IRAG2: variants seen among roughly 807,000 people sequenced by gnomAD.
IRAG2 encodes the protein lymphoid restricted membrane protein.
IRAG2 carries 45 observed loss-of-function variants against 69.9 expected under a neutral mutation model. That is an observed-to-expected ratio of 0.64 (90% CI 0.51 to 0.83). The LOEUF is 0.83. IRAG2 is among the 40% of genes least tolerant of loss of function. IRAG2 has a pLI of 0.00. For synonymous variants in IRAG2, 193 were observed against 202.4 expected (o/e 0.95, Z 0.40); for missense variants, 520 against 587.0 (o/e 0.89, Z 1.18).
chr12:25,013,866 CTTTTTT>C (rs71063386), intron 3 of IRAG2, among the ~76,000 whole-genome samples: 21 of 79,520 alleles, frequency 2.6e-4, no homozygotes, highest in East Asian at 9.3e-4. Context: ...TTTTCTTTTT[CTTTTTT>C]TTTTTTTTTT....
At chr12:25,075,536 G>A (rs1233459338) in intron 6 of IRAG2, among the ~76,000 whole-genome samples, 1 of 145,186 alleles carries the variant, frequency 6.9e-6, no homozygotes, top group Non-Finnish European at 1.5e-5. Flanking sequence ...GTGTGTGTGT[G>A]TGTGTGTGTG....
chr12:25,022,688 C>T (rs1944590669), intron 7 of IRAG2, among the ~76,000 whole-genome samples: 1 of 152,044 alleles, frequency 6.6e-6, no homozygotes, highest in Non-Finnish European at 1.5e-5. Flanking sequence ...CAATAAAGTC[C>T]AGAGGAAGTT....
intron 3 of IRAG2, among the ~76,000 whole-genome samples, chr12:25,012,144 CTTTTTTT>C (rs1044436895): frequency 6.9e-4 from 21 of 30,368 alleles, no homozygotes; most frequent in African/African-American, 3.1e-3. Flanking sequence ...AGCGAATTCC[CTTTTTTT>C]TTTTTTTTTT....
chr12:25,108,248 C>G lies in IRAG2; in HGVS notation c.*188C>G. 1.6e-6 allele frequency: 1 copy of G among 619,792 alleles called. No homozygotes were observed. The allele number at this position is 619,792 out of a possible 1,614,324, so 38.4% of individuals were successfully genotyped here. On this transcript the variant is annotated 3_prime_UTR_variant, in exon 22 of 22. Transcript: ENST00000556887. ...AAAATACAATGGGGAAGAAGTCTGC[C>G]TATGATCTTTGAATGAGCTTTTTAA... is the stretch of plus-strand genomic sequence containing the variant.
intron 1 of IRAG2, among the ~76,000 whole-genome samples, chr12:25,055,616 C>T (rs925783543): frequency 6.6e-6 from 1 of 152,158 alleles, no homozygotes; most frequent in Non-Finnish European, 1.5e-5. Flanking sequence ...TATCCCCACC[C>T]CATGACAGGC....
At chr12:25,090,279 AG>A in intron 14 of IRAG2, 82 bp downstream of exon 14, 1 of 1,321,022 alleles carries the variant, frequency 7.6e-7, no homozygotes. Context: ...GCACTTTGGG[AG>A]GCCAAGGCAG....
upstream of IRAG2, among the ~76,000 whole-genome samples, chr12:25,047,652 C>T (rs1185442030): frequency 6.6e-6 from 1 of 152,020 alleles, no homozygotes; most frequent in Non-Finnish European, 1.5e-5. Context: ...TGGTGTTCCC[C>T]GCAATGTGTC....
At chr12:25,022,348 G>A (rs1944588119) in intron 7 of IRAG2, among the ~76,000 whole-genome samples, 1 of 152,084 alleles carries the variant, frequency 6.6e-6, no homozygotes, top group East Asian at 1.9e-4. Context: ...ATAGAAATTA[G>A]CCAGGCGTGG....
At chr12:25,031,082 C>T (rs2139847345) in intron 10 of IRAG2, 1 of 984,678 alleles carries the variant, frequency 1.0e-6, no homozygotes, top group Non-Finnish European at 1.2e-6. Context: ...CAATAATCTT[C>T]CACAGTCCAA....
At chr12:25,013,034 T>A (rs1156900375) in intron 3 of IRAG2, among the ~76,000 whole-genome samples, 1 of 152,206 alleles carries the variant, frequency 6.6e-6, no homozygotes, top group Non-Finnish European at 1.5e-5. Flanking sequence ...CCCATGAGTT[T>A]AACAAAGATT....
At chr12:25,052,028 G>A (rs1565536551), upstream of IRAG2, among the ~76,000 whole-genome samples, 2 of 152,144 alleles carry the variant, frequency 1.3e-5, no homozygotes, top group Non-Finnish European at 2.9e-5. Context: ...TAAAGTGAGG[G>A]TGTCAGGCTA....
intron 8 of IRAG2, among the ~76,000 whole-genome samples, chr12:25,024,419 T>G (rs1484714850): frequency 6.6e-6 from 1 of 152,228 alleles, no homozygotes; most frequent in Admixed American, 6.5e-5. Flanking sequence ...CAATGTAGCT[T>G]ATAAATGTTA....
At chr12:25,030,209 G>T (rs1944658085) in intron 9 of IRAG2, 2 of 1,019,038 alleles carry the variant, frequency 2.0e-6, no homozygotes. Flanking sequence ...TTACTGGAAT[G>T]ATTTTATGGC....
intron 16 of IRAG2, 36 bp downstream of exon 16, chr12:25,101,361 T>A (rs538389815): frequency 6.9e-7 from 1 of 1,454,424 alleles, no homozygotes; most frequent in South Asian, 1.4e-5. Flanking sequence ...TTAGTTGTGT[T>A]TTTCTACATT....
intron 2 of IRAG2, among the ~76,000 whole-genome samples, chr12:25,006,992 TAA>T (rs1944438343): frequency 6.6e-6 from 1 of 152,216 alleles, no homozygotes; most frequent in Non-Finnish European, 1.5e-5. Context: ...TTTCCCTGAG[TAA>T]CCATTGTTAG....
chr12:25,063,755 A>C lies in IRAG2; in HGVS notation c.-268A>C, dbSNP rs1246621628. 1 of 398,976 alleles carries C rather than the reference A, an allele frequency of 2.5e-6. No homozygotes were observed. The highest frequency in any genetic ancestry group is 2.1e-5 in the African/African-American group (1 of 48,640). The allele number at this position is 398,976 out of a possible 1,614,324, so 24.7% of individuals were successfully genotyped here. On this transcript the variant is annotated 5_prime_UTR_variant, in exon 4 of 22. Transcript: ENST00000556887. ...GCCACAAACTATATGGTGGTCAAGA[A>C]GCAAGAATACATCAGACACCCCTGA...
chr12:25,011,259 G>A lies in IRAG2; in HGVS notation c.689-85G>A, dbSNP rs535187240. On this transcript the variant is annotated intron_variant, in intron 2 of 38. Transcript: ENST00000636465. ...CATGCCAGCTCCGCAGGACTGCCAGGGTTATATATCATGTTTCTAGGATCA... is the reference window on the plus strand; with the variant it reads ...CATGCCAGCTCCGCAGGACTGCCAGAGTTATATATCATGTTTCTAGGATCA... 10 of 957,192 alleles carry A rather than the reference G, an allele frequency of 1.0e-5. No homozygotes were observed. In the East Asian group the frequency reaches 1.6e-4, roughly 16 times the overall value. The allele number at this position is 957,192 out of a possible 1,614,324, so 59.3% of individuals were successfully genotyped here.
At chr12:25,011,460 A>G (rs983600684) in exon 3 of IRAG2, 1 of 1,231,706 alleles carries the variant, frequency 8.1e-7, no homozygotes, top group Non-Finnish European at 1.0e-6. Context: ...GTTGTGGAAC[A>G]TGCTTGATCC....
At chr12:25,074,351 C>T (rs1318590306) in intron 6 of IRAG2, among the ~76,000 whole-genome samples, 8 of 152,104 alleles carry the variant, frequency 5.3e-5, no homozygotes, top group Admixed American at 5.2e-4. Context: ...GAGTCATTTC[C>T]CAACATTTCC....
Sources: gnomAD v4.1 joint callset for allele counts (sites outside exome capture counted in the v4.1 genomes callset) on GRCh38, gnomAD v4.1.1 for gene constraint, MANE v1.5 for transcripts, NCBI Gene and HGNC (gene_info 2026-07-23, HGNC 2026-07-21) for gene names.